Variants in CCSER1 observed in about 807,000 individuals in gnomAD.
CCSER1 encodes coiled-coil serine rich protein 1.
Under a neutral mutation model 82.0 loss-of-function variants are expected in CCSER1, and 41 were observed. That is an observed-to-expected ratio of 0.50 (90% confidence interval 0.39 to 0.65). CCSER1 has a LOEUF of 0.65. Ranked by LOEUF, CCSER1 falls within the 30% of genes least tolerant of loss-of-function variation. CCSER1 has a pLI of 0.00. For missense variants in CCSER1, 1,119 were observed against 1,064.2 expected, an observed-to-expected ratio of 1.05 and a Z score of -0.72; for synonymous variants, 414 against 383.9, an observed-to-expected ratio of 1.08 and a Z score of -0.92.
chr4:90,302,740 A>C (rs28483538), intron 1 of CCSER1, among the ~76,000 whole-genome samples: 10,519 of 152,116 alleles, frequency 0.069, 1,045 homozygotes, highest in African/African-American at 0.22. Context: ...GAATTCGAGG[A>C]TGTAGTTAAC....
intron 8 of CCSER1, among the ~76,000 whole-genome samples, chr4:90,822,191 A>G (rs1269848552): frequency 6.6e-6 from 1 of 152,232 alleles, no homozygotes; most frequent in Non-Finnish European, 1.5e-5. Context: ...AATTAAGGTT[A>G]GTAGACGGTG....
chr4:90,962,999 A>G (rs1348580581), intron 9 of CCSER1, among the ~76,000 whole-genome samples: 1 of 152,198 alleles, frequency 6.6e-6, no homozygotes, highest in South Asian at 2.1e-4. Context: ...AAAAAAAATC[A>G]TGTTTTAAAT....
At chr4:90,315,427 C>T (rs971358607) in intron 3 of CCSER1, among the ~76,000 whole-genome samples, 1 of 152,212 alleles carries the variant, frequency 6.6e-6, no homozygotes, top group Non-Finnish European at 1.5e-5. Context: ...AACTACTTCA[C>T]GATCTTACCA....
intron 10 of CCSER1, among the ~76,000 whole-genome samples, chr4:91,403,541 T>C (rs977170582): frequency 6.6e-6 from 1 of 152,158 alleles, no homozygotes; most frequent in Non-Finnish European, 1.5e-5. Context: ...TTGTCATAAA[T>C]AGCTCTTGTT....
chr4:91,260,076 A>G (rs1160425068), intron 10 of CCSER1, among the ~76,000 whole-genome samples: 2 of 152,228 alleles, frequency 1.3e-5, no homozygotes, highest in African/African-American at 4.8e-5. Flanking sequence ...GTCAAAATTA[A>G]TTCAATTCAC....
intron 10 of CCSER1, among the ~76,000 whole-genome samples, chr4:91,392,774 T>G (rs987470527): frequency 6.6e-6 from 1 of 152,140 alleles, no homozygotes; most frequent in Non-Finnish European, 1.5e-5. Flanking sequence ...TGATAAGTTT[T>G]GATTTATTCC....
At chr4:90,711,241 T>A (rs1740554363) in intron 6 of CCSER1, among the ~76,000 whole-genome samples, 1 of 151,990 alleles carries the variant, frequency 6.6e-6, no homozygotes, top group Non-Finnish European at 1.5e-5. Flanking sequence ...CTGATATGGT[T>A]GGGTTTTCTA....
At chr4:90,324,040 G>A (rs1368158788) in intron 3 of CCSER1, among the ~76,000 whole-genome samples, 1 of 152,134 alleles carries the variant, frequency 6.6e-6, no homozygotes, top group Admixed American at 6.5e-5. Flanking sequence ...TGGTGTATAG[G>A]TGCCACATTT....
At chr4:91,347,595 A>G (rs1748145304) in intron 10 of CCSER1, among the ~76,000 whole-genome samples, 1 of 151,498 alleles carries the variant, frequency 6.6e-6, no homozygotes, top group Non-Finnish European at 1.5e-5. Flanking sequence ...GTATTCTTAT[A>G]CATGTAGATA....
At chr4:91,151,101 G>T (rs1730140549) in intron 10 of CCSER1, among the ~76,000 whole-genome samples, 1 of 152,050 alleles carries the variant, frequency 6.6e-6, no homozygotes, top group South Asian at 2.1e-4. Context: ...TCTGGTCCTG[G>T]ACTTTTTTTG....
chr4:90,619,749 G>A (rs1721960243), intron 5 of CCSER1, among the ~76,000 whole-genome samples: 1 of 152,004 alleles, frequency 6.6e-6, no homozygotes, highest in Non-Finnish European at 1.5e-5. Context: ...AACAGATTTG[G>A]TGTGTATCTT....
intron 8 of CCSER1, among the ~76,000 whole-genome samples, chr4:90,851,053 C>T (rs1763822742): frequency 6.6e-6 from 1 of 152,176 alleles, no homozygotes; most frequent in Admixed American, 6.5e-5. Flanking sequence ...GGGCTTCCCC[C>T]TTCACTCCAC....
intron 7 of CCSER1, among the ~76,000 whole-genome samples, chr4:90,790,930 C>T (rs1340649490): frequency 6.6e-6 from 1 of 152,142 alleles, no homozygotes; most frequent in Non-Finnish European, 1.5e-5. Flanking sequence ...ACCCCACTCT[C>T]TGCAGTATGA....
intron 5 of CCSER1, among the ~76,000 whole-genome samples, chr4:90,601,241 G>A (rs1783999891): frequency 6.6e-6 from 1 of 151,858 alleles, no homozygotes; most frequent in Middle Eastern, 3.4e-3. Context: ...TTAATCTTCA[G>A]GTGAAGCATT....
intron 1 of CCSER1, among the ~76,000 whole-genome samples, chr4:90,244,020 C>T (rs1720942442): frequency 6.6e-6 from 1 of 151,770 alleles, no homozygotes; most frequent in Admixed American, 6.6e-5. Context: ...GTGAATAATC[C>T]CTTTTGTTTT....
At chr4:91,478,213 T>TA (rs1242829641) in intron 10 of CCSER1, among the ~76,000 whole-genome samples, 1 of 151,952 alleles carries the variant, frequency 6.6e-6, no homozygotes, top group Non-Finnish European at 1.5e-5. Flanking sequence ...ATTATTTCTA[T>TA]AAAATATAAT....
intron 7 of CCSER1, among the ~76,000 whole-genome samples, chr4:90,779,617 C>T (rs551267683): frequency 3.9e-5 from 6 of 152,278 alleles, no homozygotes; most frequent in East Asian, 3.9e-4. Flanking sequence ...TGCATGTATC[C>T]TTACAATTTC....
At chr4:91,574,308 A>G (rs1336838498) in intron 10 of CCSER1, among the ~76,000 whole-genome samples, 1 of 152,158 alleles carries the variant, frequency 6.6e-6, no homozygotes, top group Non-Finnish European at 1.5e-5. Flanking sequence ...GGAAATTTAA[A>G]TTGGTTTAGC....
chr4:91,229,545 T>A (rs530240909), intron 10 of CCSER1, among the ~76,000 whole-genome samples: 1 of 152,224 alleles, frequency 6.6e-6, no homozygotes, highest in South Asian at 2.1e-4. Context: ...TGTATGTTTA[T>A]TGCGGCACTA....
Sources: gnomAD v4.1 joint callset for allele counts (sites outside exome capture counted in the v4.1 genomes callset) on GRCh38, gnomAD v4.1.1 for gene constraint, MANE v1.5 for transcripts, NCBI Gene and HGNC (gene_info 2026-07-23, HGNC 2026-07-21) for gene names.